Variants in ARFGEF1 observed in about 807,000 individuals in gnomAD.
The protein encoded by ARFGEF1 is brefeldin A-inhibited guanine nucleotide-exchange protein 1.
In ARFGEF1, 42 loss-of-function variants were observed where a neutral mutation model predicts 231.0. That is an observed-to-expected ratio of 0.18 (90% CI 0.14 to 0.24). The LOEUF is 0.24. ARFGEF1 is among the 10% of genes least tolerant of loss of function. ARFGEF1 has a pLI of 1.00. For synonymous variants in ARFGEF1, 710 were observed against 732.3 expected (o/e 0.97, Z 0.49); for missense variants, 1,345 against 2,192.0 (o/e 0.61, Z 7.72).
chr8:67,301,410 C>G, intron 2 of ARFGEF1, 30 bp from the exon 3 acceptor site: 1 of 1,578,032 alleles, frequency 6.3e-7, no homozygotes, highest in African/African-American at 1.4e-5. Flanking sequence ...CTGATTATAG[C>G]GTATCACATT....
At chr8:67,210,080 G>A (rs899533587) in intron 34 of ARFGEF1, among the ~76,000 whole-genome samples, 3 of 150,650 alleles carry the variant, frequency 2.0e-5, no homozygotes, top group East Asian at 1.9e-4. Flanking sequence ...GCGTGAACCC[G>A]GGAGGTGGAG....
At position 67,217,988 on chromosome 8, in the gene ARFGEF1, C is replaced by G. The variant is rs1838996604; in HGVS notation, c.4474+15G>C. ...ACATTTAACACTTTGTGTCACATAT[C>G]TGGTACAGACCTACCTTGCTGCACA... On this transcript the variant is annotated intron_variant, in intron 31 of 38. Coordinates refer to ENST00000262215, the MANE Select transcript of ARFGEF1 (RefSeq NM_006421.5). The G allele has an allele frequency of 6.2e-7, 1 of 1,611,954 alleles. No homozygotes were observed. The highest frequency in any genetic ancestry group is 8.5e-7 in the Non-Finnish European group (1 of 1,178,834).
At chr8:67,220,657 CAGA>C (rs1563844909) in intron 29 of ARFGEF1, among the ~76,000 whole-genome samples, 56 of 152,340 alleles carry the variant, frequency 3.7e-4, no homozygotes, top group African/African-American at 1.2e-3. Context: ...AGACGCCTGT[CAGA>C]GTTCCACCAC....
At chr8:67,261,100 T>C (rs973748653) in intron 14 of ARFGEF1, among the ~76,000 whole-genome samples, 8 of 152,110 alleles carry the variant, frequency 5.3e-5, no homozygotes, top group Admixed American at 5.2e-4. Flanking sequence ...TCTCCCAACA[T>C]AAAAGTGCAA....
At chr8:67,190,399 CA>C (rs1835885292) in intron 5 of ARFGEF1, among the ~76,000 whole-genome samples, 2 of 151,874 alleles carry the variant, frequency 1.3e-5, no homozygotes, top group African/African-American at 4.8e-5. Context: ...TGCCCGGGGC[CA>C]GCAGGTGGGG....
chr8:67,192,686 C>T (rs947347256), downstream of ARFGEF1, among the ~76,000 whole-genome samples: 1 of 152,148 alleles, frequency 6.6e-6, no homozygotes, highest in East Asian at 1.9e-4. Context: ...AATTTTTGCA[C>T]AGGGTGTGAG....
chr8:67,222,725 A>G (rs1403342264), intron 29 of ARFGEF1, among the ~76,000 whole-genome samples: 1 of 152,100 alleles, frequency 6.6e-6, no homozygotes, highest in African/African-American at 2.4e-5. Flanking sequence ...TGCTGGGATT[A>G]TAGGTATGGC....
chr8:67,175,201 A>G (rs2129568474), downstream of ARFGEF1: 1 of 872,874 alleles, frequency 1.1e-6, no homozygotes. Flanking sequence ...CTTGATTTTG[A>G]AATTAGGTTA....
chr8:67,209,385 AAC>A (rs1254019551), intron 34 of ARFGEF1, among the ~76,000 whole-genome samples: 1 of 152,220 alleles, frequency 6.6e-6, no homozygotes, highest in Non-Finnish European at 1.5e-5. Flanking sequence ...GCAATTCACA[AAC>A]ACAGCTAATT....
At chr8:67,208,940 C>G (rs913679614) in intron 34 of ARFGEF1, among the ~76,000 whole-genome samples, 3 of 152,136 alleles carry the variant, frequency 2.0e-5, no homozygotes, top group Middle Eastern at 3.4e-3. Flanking sequence ...TTAACAACAA[C>G]AAAAAAGGCG....
chr8:67,287,276 GC>G (rs1037229491), intron 7 of ARFGEF1, among the ~76,000 whole-genome samples: 14 of 152,256 alleles, frequency 9.2e-5, no homozygotes, highest in African/African-American at 3.1e-4. Flanking sequence ...CTACATAACA[GC>G]CCCCAGTAAA....
intron 10 of ARFGEF1, among the ~76,000 whole-genome samples, chr8:67,271,423 C>A (rs750744301): frequency 3.3e-5 from 5 of 151,990 alleles, no homozygotes; most frequent in South Asian, 4.1e-4. Context: ...ATTATGAGGA[C>A]CAAATTAATT....
At chr8:67,227,358 TCA>T (rs1297488442) in intron 26 of ARFGEF1, 49 bp from the exon 27 acceptor site, 1 of 1,599,752 alleles carries the variant, frequency 6.3e-7, no homozygotes, top group Non-Finnish European at 8.5e-7. Context: ...ATAAAACTCA[TCA>T]GTTTTTCCCC....
chr8:67,203,342 A>T, intron 35 of ARFGEF1, 91 bp from the exon 36 acceptor site: 1 of 1,431,492 alleles, frequency 7.0e-7, no homozygotes, highest in Non-Finnish European at 9.6e-7. Context: ...CCAGTTTTAC[A>T]AGAAAGCCAC....
chr8:67,214,008 A>C (rs558828082), intron 33 of ARFGEF1, among the ~76,000 whole-genome samples: 3 of 152,212 alleles, frequency 2.0e-5, no homozygotes, highest in South Asian at 4.1e-4. Context: ...GTGGCTTTGG[A>C]ACTGGGCAAT....
intron 1 of ARFGEF1, among the ~76,000 whole-genome samples, chr8:67,319,421 T>A (rs1033966223): frequency 6.6e-6 from 1 of 152,084 alleles, no homozygotes; most frequent in Non-Finnish European, 1.5e-5. Context: ...GATGATTAAT[T>A]TTTGACAAAA....
intron 27 of ARFGEF1, 130 bp from the exon 28 acceptor site, chr8:67,226,313 C>T (rs963579166): frequency 6.6e-5 from 56 of 844,090 alleles, no homozygotes; most frequent in East Asian, 2.8e-4. Flanking sequence ...CCAACAGATA[C>T]GAAGTTCAAG....
chr8:67,317,609 T>TAA (rs113373370), intron 1 of ARFGEF1, among the ~76,000 whole-genome samples: 5 of 127,532 alleles, frequency 3.9e-5, no homozygotes, highest in Admixed American at 7.9e-5. Context: ...AACTAATATT[T>TAA]AAAAAAAAAA....
chr8:67,195,279 G>A, downstream of ARFGEF1: 1 of 781,650 alleles, frequency 1.3e-6, no homozygotes, highest in South Asian at 1.4e-5. Flanking sequence ...TGAGACTGTG[G>A]GGAAATGCTG....
Sources: gnomAD v4.1 joint callset for allele counts (sites outside exome capture counted in the v4.1 genomes callset) on GRCh38, gnomAD v4.1.1 for gene constraint, MANE v1.5 for transcripts, NCBI Gene and HGNC (gene_info 2026-07-23, HGNC 2026-07-21) for gene names.